HK3: variants seen among roughly 807,000 people sequenced by gnomAD.
The protein encoded by HK3 is hexokinase-3.
A neutral mutation model predicts 91.0 loss-of-function variants in HK3; 93 were observed. The observed-to-expected ratio is 1.02, with a 90% CI of 0.86 to 1.21. The LOEUF is 1.21. Among genes scored for constraint, HK3 ranks in the 50% most tolerant of loss-of-function variants. The pLI is 0.00. For missense variants in HK3, 1,235 were observed against 1,247.4 expected (o/e 0.99, Z 0.15); for synonymous variants, 519 against 516.9 (o/e 1.00, Z -0.06).
At chr5:176,883,288 T>C (rs1024461097) in intron 15 of HK3, among the ~76,000 whole-genome samples, 3 of 152,170 alleles carry the variant, frequency 2.0e-5, no homozygotes, top group Non-Finnish European at 4.4e-5. Flanking sequence ...GGACCCTCAT[T>C]GCTCATTGGT....
intron 2 of HK3, among the ~76,000 whole-genome samples, chr5:176,892,377 A>G (rs541807): frequency 0.16 from 23,953 of 152,102 alleles, 4,171 homozygotes; most frequent in African/African-American, 0.43. Context: ...GGGGAAGAGC[A>G]AGGGGATGGA....
Position 176,884,595 on chromosome 5 carries a change from G to A in HK3, c.1858-461C>T, listed in dbSNP as rs767051807. 9.2e-5 allele frequency among the ~76,000 whole-genome samples: 14 copies of A among 152,212 alleles called. No individual in the cohort carries two copies. Among genetic ancestry groups the A allele is most frequent in the African/African-American group, 2.4e-4 (10 of 41,448 alleles). On this transcript the variant is annotated intron_variant, in intron 13 of 18. Coordinates refer to ENST00000292432, the MANE Select transcript of HK3 (RefSeq NM_002115.3). This position sits in a 1 kb window ranked among gnomAD's most constrained non-coding sequence, Gnocchi z 4.1. Reference sequence around the variant, plus strand: ...AATTCTCAGCTTCAGGGATAGAGCCGTGTCAATGGGCGAGTCACTCATGTG... The same window carrying A: ...AATTCTCAGCTTCAGGGATAGAGCCATGTCAATGGGCGAGTCACTCATGTG...
chr5:176,887,301 G>C lies in HK3; in HGVS notation c.1637C>G (p.Thr546Arg). 1 of 1,614,010 alleles carries C rather than the reference G, an allele frequency of 6.2e-7. No individual in the cohort carries two copies. The highest frequency in any genetic ancestry group is 1.3e-5 in the African/African-American group (1 of 75,040). The change falls in exon 12 of 19, where the codon ACG becomes AGG. Residue 546 changes from threonine to arginine, a missense_variant. By Grantham distance (71) the Thr-to-Arg change is moderately conservative (BLOSUM62 -1). Around this residue, in one of 3 missense-constraint regions of HK3, gnomAD observed 717 missense variants for 751.6 expected, o/e 0.95. Transcript: ENST00000292432. The surrounding 1 kb of genome is among the most constrained non-coding windows in gnomAD (Gnocchi z 4.9). ...GDFLALDLGGTNFRVLLVRVT... is the reference protein window; with the variant it reads ...GDFLALDLGGRNFRVLLVRVT... Reference sequence around the variant, plus strand: ...ACGTACCAGGAGGACACGGAAGTTCGTGCCCCCGAGGTCCAGGGCCAGGAA... The same window carrying C: ...ACGTACCAGGAGGACACGGAAGTTCCTGCCCCCGAGGTCCAGGGCCAGGAA...
rs751830304 is a variant in HK3 at position 176,884,131 on chromosome 5, T to C, written c.1861A>G (p.Ile621Val). ...PCRQLGLDQGILLNWTKGFKA... is the reference protein window; with the variant it reads ...PCRQLGLDQGVLLNWTKGFKA... ...AAACCCTTGGTCCAGTTCAGGAGGATGCCCTGGGGTGAGACCGAGAGGAAG... is the reference window on the plus strand; with the variant it reads ...AAACCCTTGGTCCAGTTCAGGAGGACGCCCTGGGGTGAGACCGAGAGGAAG... The change falls in exon 14 of 19, where the codon ATC (isoleucine) becomes GTC (valine). Residue 621 changes from isoleucine to valine, a missense_variant. Ile to Val is a conservative substitution (Grantham distance 29, BLOSUM62 3). This residue lies in a region of HK3 where 513 missense variants were observed against 477.4 expected (regional missense o/e 1.07). Coordinates refer to ENST00000292432, the MANE Select transcript of HK3 (RefSeq NM_002115.3). This position sits in a 1 kb window ranked among gnomAD's most constrained non-coding sequence, Gnocchi z 4.1. 2.4e-5 allele frequency: 39 copies of C among 1,613,794 alleles called. No homozygotes were observed. Among genetic ancestry groups the C allele is most frequent in the Non-Finnish European group, 3.3e-5 (39 of 1,179,886 alleles).
Position 176,887,823 on chromosome 5 carries a change from AC to A in HK3, c.1305-78del, listed in dbSNP as rs1758643055. ...ACAGGTGTGCACGGCTTGGCCCTGG[AC>A]CCCCAGATACATACAGGTGTGCCCA... On this transcript the variant is annotated intron_variant, in intron 10 of 18. Coordinates refer to ENST00000292432, the MANE Select transcript of HK3 (RefSeq NM_002115.3). This position sits in a 1 kb window ranked among gnomAD's most constrained non-coding sequence, Gnocchi z 4.9. The A allele has an allele frequency of 4.1e-6, 6 of 1,466,578 alleles. No individual in the cohort carries two copies. The highest frequency in any genetic ancestry group is 4.6e-6 in the Non-Finnish European group (5 of 1,081,302). The allele number at this position is 1,466,578 out of a possible 1,614,324, so 90.8% of individuals were successfully genotyped here.
At chr5:176,885,558 A>G (rs901172423) in intron 13 of HK3, among the ~76,000 whole-genome samples, 1 of 152,064 alleles carries the variant, frequency 6.6e-6, no homozygotes, top group Non-Finnish European at 1.5e-5. Flanking sequence ...AGTAGCTGGA[A>G]TTACAGGCAC....
chr5:176,883,933 C>T, intron 14 of HK3, 64 bp from the exon 15 acceptor site: 3 of 1,586,424 alleles, frequency 1.9e-6, no homozygotes, highest in Non-Finnish European at 2.6e-6. Context: ...CAGCACTGGA[C>T]CCAGAGGTCT....
In HK3 at chr5:176,887,381, TCCAGCC is replaced by T. The variant is rs749229128; in HGVS notation, c.1601-50_1601-45del. The T allele has an allele frequency of 6.2e-7, 1 of 1,613,444 alleles. No homozygotes were observed. The highest frequency in any genetic ancestry group is 1.1e-5 in the South Asian group (1 of 91,082). On this transcript the variant is annotated intron_variant, in intron 11 of 18. Transcript: ENST00000292432. This position sits in a 1 kb window ranked among gnomAD's most constrained non-coding sequence, Gnocchi z 4.9. ...TCAGTGCCGGGATAGGGCTTGTGGCTCCAGCCCCAGCACACACTGGGACCCCCAGGA... is the reference window on the plus strand; with the variant it reads ...TCAGTGCCGGGATAGGGCTTGTGGCTCCAGCACACACTGGGACCCCCAGGA...
chr5:176,895,373 G>A (rs182162562), intron 2 of HK3, among the ~76,000 whole-genome samples: 123 of 152,240 alleles, frequency 8.1e-4, no homozygotes, highest in African/African-American at 2.8e-3. Context: ...CACCGCGCCC[G>A]GCCATAGGCA....
At position 176,891,043 on chromosome 5, in the gene HK3, G is replaced by C; in HGVS notation, c.408C>G (p.Gly136=). ...CTGGGCAGTGAGTGCTTACCTGCTGGCCAGCACCCAGCATCACCTCTTGGG... is the reference window on the plus strand; with the variant it reads ...CTGGGCAGTGAGTGCTTACCTGCTGCCCAGCACCCAGCATCACCTCTTGGG... ...VIPQEVMLGA[G]QQLFDFAAHC... is the part of the protein sequence containing the mutation. Residue 136 remains glycine, a synonymous_variant, in exon 4 of 19, where the codon GGC becomes GGG. Transcript: ENST00000292432. 2.5e-6 allele frequency: 4 copies of C among 1,613,976 alleles called. No individual in the cohort carries two copies. The highest frequency in any genetic ancestry group is 3.4e-6 in the Non-Finnish European group (4 of 1,180,012).
chr5:176,882,746 TTC>T (rs544663287), intron 15 of HK3, among the ~76,000 whole-genome samples: 20 of 152,256 alleles, frequency 1.3e-4, no homozygotes, highest in Admixed American at 9.8e-4. Context: ...GAAAAAGGCA[TTC>T]CAGGCAGAGG....
chr5:176,881,803 C>G lies in HK3; in HGVS notation c.2282G>C (p.Arg761Pro), dbSNP rs143713331. Reference protein sequence around the residue: ...ISGMYLGEIVRHILLHLTSLG... With the variant: ...ISGMYLGEIVPHILLHLTSLG... ...GCTGGTTAAATGTAAAAGGATGTGG[C>G]GGACGATCTCCCCCAGGTACATGCC... Residue 761 changes from arginine to proline, a missense_variant, in exon 17 of 19, where the codon CGC (arginine) becomes CCC (proline). Around this residue, in one of 3 missense-constraint regions of HK3, gnomAD observed 513 missense variants for 477.4 expected, o/e 1.07. Coordinates refer to ENST00000292432, the MANE Select transcript of HK3 (RefSeq NM_002115.3). 1.9e-6 allele frequency: 3 copies of G among 1,614,122 alleles called. No homozygotes were observed. The highest frequency in any genetic ancestry group is 2.5e-6 in the Non-Finnish European group (3 of 1,180,030).
In HK3 at chr5:176,887,119, G is replaced by C. The variant is rs145897675; in HGVS notation, c.1740C>G (p.Leu580=). 2.4e-5 allele frequency: 38 copies of C among 1,614,228 alleles called. No homozygotes were observed. The Admixed American group carries it at 5.8e-4, about 25-fold the overall frequency. ...CGATGCAGTCCACGATGTGGTCAAA[G>C]AGCTGTGGGGCAGGACAGGTCAGGC... is the stretch of plus-strand genomic sequence containing the variant. The part of the protein sequence containing the change: ...ETVAQGSGQQ[L]FDHIVDCIVD... Residue 580 remains leucine, a splice_region_variant and synonymous_variant, in exon 13 of 19, where the codon CTC becomes CTG. Transcript: ENST00000292432. This position sits in a 1 kb window ranked among gnomAD's most constrained non-coding sequence, Gnocchi z 4.9.
At position 176,898,535 on chromosome 5, in the gene HK3, C is replaced by T. The variant is rs142915698; in HGVS notation, c.-27+732G>A. On this transcript the variant is annotated intron_variant, in intron 1 of 18. Coordinates refer to ENST00000292432, the MANE Select transcript of HK3 (RefSeq NM_002115.3). Reference sequence around the variant, plus strand: ...CCCAGCTAGTTCATTTATTCATTCACTCACTCATTCATTCCCTCATCCATT... The same window carrying T: ...CCCAGCTAGTTCATTTATTCATTCATTCACTCATTCATTCCCTCATCCATT... Among the ~76,000 whole-genome samples, 45 of 151,096 alleles carry T rather than the reference C, an allele frequency of 3.0e-4. No individual in the cohort carries two copies. In the East Asian group the frequency reaches 6.9e-3, roughly 23 times the overall value.
rs1373280271 is a variant in HK3, at chr5:176,881,734, G to C, written c.2351C>G (p.Thr784Ser). The change falls in exon 17 of 19, where the codon ACC becomes AGC. Residue 784 changes from threonine to serine, a missense_variant. By Grantham distance (58) the Thr-to-Ser change is moderately conservative. Coordinates refer to ENST00000292432, the MANE Select transcript of HK3 (RefSeq NM_002115.3). ...FRGQQIQRLQ[T>S]RDIFKTKFLS... The stretch of plus-strand genomic sequence containing the variant: ...GAACTTGGTCTTGAAGATGTCCCTG[G>C]TCTGAAGGCGCTGGATCTGCTGGCC... 1.9e-6 allele frequency: 3 copies of C among 1,614,178 alleles called. No homozygotes were observed. Among genetic ancestry groups the C allele is most frequent in the Non-Finnish European group, 8.5e-7 (1 of 1,180,040 alleles).
rs762113995 is a variant in HK3, at chr5:176,887,721, C to A, written c.1330G>T (p.Val444Leu). ...PRFCSVLQGTVMLLAPECDVS... is the reference protein window; with the variant it reads ...PRFCSVLQGTLMLLAPECDVS... ...TCGCATTCCGGGGCCAGGAGCATCA[C>A]TGTCCCCTGCAGGACGCTGCAGAAC... The change falls in exon 11 of 19, where the codon GTG (valine) becomes TTG (leucine). Residue 444 changes from valine to leucine, a missense_variant. Physicochemically the swap from Val to Leu is conservative, Grantham distance 32. Transcript: ENST00000292432. The surrounding 1 kb of genome is among the most constrained non-coding windows in gnomAD (Gnocchi z 4.9). 6 of 1,612,192 alleles carry A rather than the reference C, an allele frequency of 3.7e-6. No homozygotes were observed. The highest frequency in any genetic ancestry group is 1.1e-5 in the South Asian group (1 of 91,004).
chr5:176,883,909 G>T lies in HK3; in HGVS notation c.1954-40C>A, dbSNP rs149452459. ...ATGCTGCTAGTTGCTGGGCAACGCGGTCGTCACAGCAACCAGCACTGGACC... is the reference window on the plus strand; with the variant it reads ...ATGCTGCTAGTTGCTGGGCAACGCGTTCGTCACAGCAACCAGCACTGGACC... On this transcript the variant is annotated intron_variant, in intron 14 of 18. Coordinates refer to ENST00000292432, the MANE Select transcript of HK3 (RefSeq NM_002115.3). 1.4e-4 allele frequency: 228 copies of T among 1,601,266 alleles called. No individual in the cohort carries two copies. In the African/African-American group the frequency reaches 2.3e-3, roughly 16 times the overall value.
chr5:176,881,159 A>T lies in HK3; in HGVS notation c.2686T>A (p.Phe896Ile). Reference sequence around the variant, plus strand: ...CCGGACCCATCCTCTGACTGCAGGAACGTGACCACACAGCGAGGGGCCAGC... The same window carrying T: ...CCGGACCCATCCTCTGACTGCAGGATCGTGACCACACAGCGAGGGGCCAGC... ...RELAPRCVVT[F>I]LQSEDGSGKG... The change falls in exon 19 of 19, where the codon TTC (phenylalanine) becomes ATC (isoleucine). Residue 896 changes from phenylalanine (F) to isoleucine (I), a missense_variant. Phe to Ile is a conservative substitution (Grantham distance 21, BLOSUM62 0). Transcript: ENST00000292432. 1 of 1,613,110 alleles carries T rather than the reference A, an allele frequency of 6.2e-7. No homozygotes were observed. Among genetic ancestry groups the T allele is most frequent in the Non-Finnish European group, 8.5e-7 (1 of 1,179,902 alleles).
rs1443998694 is a variant in HK3, at chr5:176,887,989, C to T, written c.1305-243G>A. Among the ~76,000 whole-genome samples the T allele has an allele frequency of 6.6e-6, 1 of 152,036 alleles. No homozygotes were observed. The highest frequency in any genetic ancestry group is 1.5e-5 in the Non-Finnish European group (1 of 67,998). On this transcript the variant is annotated intron_variant, in intron 10 of 18. Transcript: ENST00000292432. The surrounding 1 kb of genome is among the most constrained non-coding windows in gnomAD (Gnocchi z 4.9). ...GATCATGGCTTACTGTAACCTCAAACTCCCAGGCTCCAATGATCCTCCCAC... is the reference window on the plus strand; with the variant it reads ...GATCATGGCTTACTGTAACCTCAAATTCCCAGGCTCCAATGATCCTCCCAC...
Sources: allele counts gnomAD v4.1 joint callset (sites outside exome capture counted in the v4.1 genomes callset), GRCh38; gene constraint gnomAD v4.1.1; regional missense constraint gnomAD v4.1.1; non-coding constraint Gnocchi (gnomAD v3.1); transcripts MANE v1.5; gene names NCBI Gene and HGNC (gene_info 2026-07-23, HGNC 2026-07-21).